Variants in SP100 observed in about 807,000 individuals in gnomAD.
The protein encoded by SP100 is SP100 nuclear body protein.
A neutral mutation model predicts 130.0 loss-of-function variants in SP100; 84 were observed. That is an observed-to-expected ratio of 0.65 (90% confidence interval 0.54 to 0.77). The LOEUF is 0.77. Among genes scored for constraint, SP100 ranks in the 30% least tolerant of loss-of-function variants. The pLI is 0.00. For missense variants in SP100, 978 were observed against 1,052.2 expected (o/e 0.93, Z 0.97); for synonymous variants, 331 against 351.7 (o/e 0.94, Z 0.66).
intron 2 of SP100, among the ~76,000 whole-genome samples, chr2:230,426,602 G>A (rs185764300): frequency 9.2e-5 from 14 of 152,236 alleles, no homozygotes; most frequent in African/African-American, 3.1e-4. Context: ...TAATATTGTG[G>A]CCAGGAAAGA....
intron 7 of SP100, 126 bp from the exon 8 acceptor site, chr2:230,450,046 T>A: frequency 1.5e-6 from 1 of 683,012 alleles, no homozygotes; most frequent in South Asian, 1.9e-5. Context: ...CACGCAGCAA[T>A]ATATGCAGAC....
intron 5 of SP100, among the ~76,000 whole-genome samples, chr2:230,448,861 G>T (rs1559493728): frequency 6.6e-6 from 1 of 152,174 alleles, no homozygotes; most frequent in Non-Finnish European, 1.5e-5. Flanking sequence ...GAGTTGTCTG[G>T]CCAAGGCCCC....
Position 230,449,138 on chromosome 2 carries a change from CCAT to C in SP100, c.576_578del (p.Ser193del), listed in dbSNP as rs745501450. On this transcript the variant is annotated inframe_deletion, in exon 6 of 29. Coordinates refer to ENST00000340126, the MANE Select transcript of SP100 (RefSeq NM_001080391.2). ...CCTGACTTGGCCACCTTCGGGTTCC[CCAT>C]CTCATGCTGGTTTGTTCCTGTTTAC... 3 of 1,614,024 alleles carry C rather than the reference CCAT, an allele frequency of 1.9e-6. No homozygotes were observed. In the Admixed American group the frequency reaches 5.0e-5, roughly 27 times the overall value.
At position 230,543,714 on chromosome 2, in the gene SP100, A is replaced by G. The variant is rs1406629903; in HGVS notation, c.*768A>G. The G allele has an allele frequency of 6.6e-6, 1 of 152,222 alleles. No individual in the cohort carries two copies. Among genetic ancestry groups the G allele is most frequent in the Non-Finnish European group, 1.5e-5 (1 of 68,038 alleles). 9.4% of individuals were successfully genotyped at this position (152,222 alleles called of 1,614,324 possible). ...CTCCTGTGTAGAAACAGTCAATATC[A>G]TTAAAATGACCATACTGCCCAAAGC... is the stretch of plus-strand genomic sequence containing the variant. On this transcript the variant is annotated 3_prime_UTR_variant, in exon 29 of 29. Transcript: ENST00000340126.
In SP100 at chr2:230,467,226, C is replaced by G; in HGVS notation, c.1291+11C>G. 1 of 1,588,304 alleles carries G rather than the reference C, an allele frequency of 6.3e-7. No individual in the cohort carries two copies. Among genetic ancestry groups the G allele is most frequent in the Non-Finnish European group, 8.6e-7 (1 of 1,156,402 alleles). ...AGCATGGTGAGAAGGGTAAGAACAGCTCCCTTGACTTCAGGGCTCTGACTT... is the reference window on the plus strand; with the variant it reads ...AGCATGGTGAGAAGGGTAAGAACAGGTCCCTTGACTTCAGGGCTCTGACTT... On this transcript the variant is annotated intron_variant, in intron 13 of 28. Coordinates refer to ENST00000340126, the MANE Select transcript of SP100 (RefSeq NM_001080391.2).
chr2:230,470,553 T>G (rs2065215969), intron 15 of SP100: 1 of 327,874 alleles, frequency 3.0e-6, no homozygotes, highest in Admixed American at 6.5e-5. Context: ...TTTTGGTAGA[T>G]GTCCTTCATC....
intron 24 of SP100, among the ~76,000 whole-genome samples, chr2:230,523,321 G>C (rs1293471526): frequency 1.3e-5 from 2 of 152,182 alleles, no homozygotes; most frequent in Admixed American, 1.3e-4. Context: ...ATGTGTTTAT[G>C]TGTATGTACC....
chr2:230,422,483 AT>A (rs2062795994), intron 2 of SP100, among the ~76,000 whole-genome samples: 1 of 152,174 alleles, frequency 6.6e-6, no homozygotes, highest in African/African-American at 2.4e-5. Flanking sequence ...GGTGCCTCTA[AT>A]TCCTGACAAC....
intron 21 of SP100, among the ~76,000 whole-genome samples, chr2:230,506,096 T>C (rs934636158): frequency 2.6e-5 from 4 of 151,896 alleles, no homozygotes; most frequent in African/African-American, 9.7e-5. Context: ...TGCATGATGG[T>C]CAAAGAAATG....
intron 15 of SP100, chr2:230,472,982 C>T (rs1156718154): frequency 5.6e-6 from 1 of 177,144 alleles, no homozygotes; most frequent in Non-Finnish European, 1.2e-5. Flanking sequence ...TTCTGAAGGC[C>T]TTAGACTTCA....
At chr2:230,519,864 A>G (rs1348112380) in intron 24 of SP100, among the ~76,000 whole-genome samples, 2 of 152,174 alleles carry the variant, frequency 1.3e-5, no homozygotes, top group Admixed American at 6.6e-5. Context: ...GCTTTTGACC[A>G]TCCCGGGTTA....
intron 16 of SP100, among the ~76,000 whole-genome samples, chr2:230,473,786 G>A (rs778949890): frequency 5.3e-5 from 8 of 151,628 alleles, no homozygotes; most frequent in Non-Finnish European, 1.0e-4. Context: ...TTGGTTAGGT[G>A]GTAAAAAAAT....
At chr2:230,515,149 A>C in intron 24 of SP100, 1 of 1,612,618 alleles carries the variant, frequency 6.2e-7, no homozygotes, top group South Asian at 1.1e-5. Flanking sequence ...AGAGTTTTTA[A>C]AGAAGTGCTC....
rs750738035 is a variant in SP100 at position 230,494,442 on chromosome 2, G to A, written c.1627G>A (p.Val543Ile). Residue 543 changes from valine to isoleucine, a missense_variant, in exon 18 of 29, where the codon GTA becomes ATA. Transcript: ENST00000340126. ...RRKKRRHRSK[V>I]NGLQRGRKKD... ...AAAAAAGAGAAGGCATAGATCTAAA[G>A]TAAATGGTCTCCAAAGAGGTAAGAA... The A allele has an allele frequency of 1.7e-5, 28 of 1,608,246 alleles. No individual in the cohort carries two copies. The highest frequency in any genetic ancestry group is 2.1e-5 in the Non-Finnish European group (25 of 1,174,870).
intron 24 of SP100, chr2:230,515,722 C>T (rs949456112): frequency 1.3e-6 from 2 of 1,524,426 alleles, no homozygotes; most frequent in African/African-American, 2.8e-5. Context: ...AAGAAAAAAA[C>T]TTCAACGTAA....
At chr2:230,459,530 G>A (rs16827265) in intron 8 of SP100, among the ~76,000 whole-genome samples, 2,124 of 152,210 alleles carry the variant, frequency 0.014, 53 homozygotes, top group African/African-American at 0.049. Flanking sequence ...TTCCCCAATT[G>A]CCTGAAGACC....
chr2:230,511,189 G>C, intron 24 of SP100, 23 bp downstream of exon 24: 1 of 1,568,678 alleles, frequency 6.4e-7, no homozygotes, highest in Non-Finnish European at 8.8e-7. Flanking sequence ...TTCCGACTAT[G>C]ACCCCAAAAT....
At chr2:230,535,052 C>T (rs181339137) in intron 24 of SP100, among the ~76,000 whole-genome samples, 1,563 of 152,144 alleles carry the variant, frequency 0.01, 20 homozygotes, top group Non-Finnish European at 0.014. Flanking sequence ...AAAAATTAGC[C>T]GGGCATGGTG....
At chr2:230,461,165 G>C in intron 8 of SP100, 97 bp from the exon 9 acceptor site, 1 of 1,172,678 alleles carries the variant, frequency 8.5e-7, no homozygotes, top group Non-Finnish European at 1.2e-6. Context: ...TGAAGGTCTA[G>C]CCCCAGCAGT....
Sources: gnomAD v4.1 joint callset for allele counts (sites outside exome capture counted in the v4.1 genomes callset) on GRCh38, gnomAD v4.1.1 for gene constraint, MANE v1.5 for transcripts, NCBI Gene and HGNC (gene_info 2026-07-23, HGNC 2026-07-21) for gene names.